Variants in ZNRF3 observed in about 807,000 individuals in gnomAD.
ZNRF3 encodes the protein zinc and ring finger 3, also known as E3 ubiquitin-protein ligase ZNRF3.
ZNRF3 carries 23 observed loss-of-function variants against 72.5 expected under a neutral mutation model. The ratio of observed to expected loss-of-function variants is 0.32; its 90% CI spans 0.23 to 0.45. The LOEUF is 0.45. ZNRF3 is among the 20% of genes least tolerant of loss of function. The pLI is 1.00. For synonymous variants in ZNRF3, 610 were observed against 545.3 expected (o/e 1.12, Z -1.65); for missense variants, 1,169 against 1,272.1 (o/e 0.92, Z 1.23).
At chr22:29,037,997 C>G (rs938791129) in intron 2 of ZNRF3, among the ~76,000 whole-genome samples, 1 of 152,200 alleles carries the variant, frequency 6.6e-6, no homozygotes, top group Non-Finnish European at 1.5e-5. Context: ...TTAGGGATAA[C>G]GGCCCTCTCC....
At chr22:29,004,701 G>A (rs538913351) in intron 2 of ZNRF3, among the ~76,000 whole-genome samples, 1 of 152,162 alleles carries the variant, frequency 6.6e-6, no homozygotes, top group Non-Finnish European at 1.5e-5. Context: ...GGATCACCTT[G>A]GCAGGGCCTC....
intron 1 of ZNRF3, among the ~76,000 whole-genome samples, chr22:28,930,326 G>C (rs1334065375): frequency 6.6e-6 from 1 of 152,222 alleles, no homozygotes; most frequent in Non-Finnish European, 1.5e-5. Context: ...TAGCTCAGCT[G>C]GTGGGAGCAG....
intron 1 of ZNRF3, among the ~76,000 whole-genome samples, chr22:28,889,833 G>GA (rs1569235009): frequency 6.6e-6 from 1 of 152,158 alleles, no homozygotes; most frequent in Non-Finnish European, 1.5e-5. Flanking sequence ...ATAGTTCATT[G>GA]AAAAATGAAA....
intron 2 of ZNRF3, among the ~76,000 whole-genome samples, chr22:29,037,929 C>T (rs1329944680): frequency 1.3e-5 from 2 of 152,224 alleles, no homozygotes; most frequent in Non-Finnish European, 2.9e-5. Flanking sequence ...CAAAACTTCC[C>T]ACCTGTGTTC....
chr22:28,884,010 A>G lies in ZNRF3; in HGVS notation c.244A>G (p.Thr82Ala), dbSNP rs1226407734. The part of the protein sequence containing the change: ...GDYTTYTTGL[T>A]GRFSRAGATL... ...TTACACCACCTACACCACCGGCCTC[A>G]CGGGCCGCTTCTCGCGGGCCGGGGC... Residue 82 changes from threonine (T) to alanine (A), a missense_variant, in exon 1 of 9, where the codon ACG becomes GCG. Physicochemically the swap from Thr to Ala is moderately conservative, Grantham distance 58. Around this residue, in one of 2 missense-constraint regions of ZNRF3, gnomAD observed 386 missense variants for 540.7 expected, o/e 0.71. Coordinates refer to ENST00000544604, the MANE Select transcript of ZNRF3 (RefSeq NM_001206998.2). 1 of 1,305,172 alleles carries G rather than the reference A, an allele frequency of 7.7e-7. No homozygotes were observed. The highest frequency in any genetic ancestry group is 9.9e-7 in the Non-Finnish European group (1 of 1,008,772). 80.8% of individuals were successfully genotyped at this position (1,305,172 alleles called of 1,614,324 possible). A position where few individuals can be genotyped will look rare whatever the true frequency, so the allele number is the denominator to read the frequency against.
chr22:28,959,942 G>C (rs568272407), intron 1 of ZNRF3, among the ~76,000 whole-genome samples: 1 of 152,318 alleles, frequency 6.6e-6, no homozygotes, highest in South Asian at 2.1e-4. Flanking sequence ...GGACTTCCCA[G>C]CTCCAGAACT....
chr22:29,017,341 G>A (rs987137628), intron 2 of ZNRF3, among the ~76,000 whole-genome samples: 8 of 151,820 alleles, frequency 5.3e-5, no homozygotes, highest in Non-Finnish European at 1.2e-4. Context: ...CTGCCACGGC[G>A]CCTGCCACTC....
chr22:28,932,741 C>G (rs2034729650), intron 1 of ZNRF3, among the ~76,000 whole-genome samples: 1 of 152,164 alleles, frequency 6.6e-6, no homozygotes, highest in Non-Finnish European at 1.5e-5. Context: ...ATGGTTGGCT[C>G]TCCTTAAGAA....
Position 29,050,163 on chromosome 22 carries a change from G to A in ZNRF3, c.1982G>A (p.Cys661Tyr), listed in dbSNP as rs776822690. The change falls in exon 8 of 9, where the codon TGC becomes TAC. Residue 661 changes from cysteine to tyrosine, a missense_variant. By Grantham distance (194) the Cys-to-Tyr change is radical. This residue lies in a region of ZNRF3 where 783 missense variants were observed against 731.4 expected (regional missense o/e 1.07). Transcript: ENST00000544604. ...ASPSGDQVST[C>Y]SLEMNYSSNS... ...CCCTCGGGGGATCAGGTGTCCACCT[G>A]CAGCCTGGAGATGAACTACAGCAGC... 3.1e-6 allele frequency: 5 copies of A among 1,603,514 alleles called. No homozygotes were observed. The South Asian group carries it at 5.5e-5, about 18-fold the overall frequency.
chr22:28,956,001 T>C (rs1436031751), intron 1 of ZNRF3, among the ~76,000 whole-genome samples: 1 of 152,082 alleles, frequency 6.6e-6, no homozygotes, highest in Non-Finnish European at 1.5e-5. Context: ...AAACAGGATG[T>C]GGGGGTGCGG....
chr22:29,007,035 C>G (rs2036263278), intron 2 of ZNRF3, among the ~76,000 whole-genome samples: 1 of 152,200 alleles, frequency 6.6e-6, no homozygotes, highest in South Asian at 2.1e-4. Context: ...TGTTTTCACA[C>G]ATTATCTGAA....
chr22:29,042,420 G>A, intron 2 of ZNRF3, 75 bp from the exon 3 acceptor site: 2 of 1,249,428 alleles, frequency 1.6e-6, no homozygotes, highest in Non-Finnish European at 2.3e-6. Context: ...TTGATTACAG[G>A]CCTGATTGCC....
At chr22:28,918,694 G>C (rs942239567) in intron 1 of ZNRF3, among the ~76,000 whole-genome samples, 3 of 152,170 alleles carry the variant, frequency 2.0e-5, no homozygotes, top group Admixed American at 6.5e-5. Context: ...GGGCGGGTCT[G>C]AGTCAGGGTG....
chr22:28,890,806 A>G (rs1046804350), intron 1 of ZNRF3, among the ~76,000 whole-genome samples: 1 of 151,288 alleles, frequency 6.6e-6, no homozygotes, highest in African/African-American at 2.4e-5. Flanking sequence ...TGCCCAGGCT[A>G]GAGCACAGTG....
chr22:29,022,471 C>G (rs1324481339), intron 2 of ZNRF3, among the ~76,000 whole-genome samples: 1 of 152,180 alleles, frequency 6.6e-6, no homozygotes, highest in African/African-American at 2.4e-5. Flanking sequence ...CTGCCCATCA[C>G]TGGATCTTGG....
At chr22:28,997,285 G>GA (rs1332999588) in intron 2 of ZNRF3, among the ~76,000 whole-genome samples, 2 of 152,136 alleles carry the variant, frequency 1.3e-5, no homozygotes, top group Non-Finnish European at 2.9e-5. Context: ...ATTTGGGACT[G>GA]ACGGTATCGT....
At chr22:28,884,213 G>A (rs1601521320) in intron 1 of ZNRF3, 147 bp downstream of exon 1, 1 of 573,496 alleles carries the variant, frequency 1.7e-6, no homozygotes, top group Non-Finnish European at 2.2e-6. Flanking sequence ...CCCTGCGGGC[G>A]GGCAGGCGGG....
At chr22:28,960,628 T>C (rs2123802866) in intron 1 of ZNRF3, among the ~76,000 whole-genome samples, 1 of 152,328 alleles carries the variant, frequency 6.6e-6, no homozygotes, top group Middle Eastern at 3.4e-3. Context: ...AAGGGATAGT[T>C]GGGCAGCTGG....
At chr22:28,918,998 A>G (rs1249798278) in intron 1 of ZNRF3, among the ~76,000 whole-genome samples, 1 of 152,220 alleles carries the variant, frequency 6.6e-6, no homozygotes, top group Admixed American at 6.5e-5. Flanking sequence ...AATGGCATTT[A>G]GGATAAAGAG....
Sources: allele counts gnomAD v4.1 joint callset (sites outside exome capture counted in the v4.1 genomes callset), GRCh38; gene constraint gnomAD v4.1.1; regional missense constraint gnomAD v4.1.1; transcripts MANE v1.5; gene names NCBI Gene and HGNC (gene_info 2026-07-23, HGNC 2026-07-21).